The following RAB3C variants were observed in gnomAD, a reference collection of about 807,000 sequenced individuals.
RAB3C encodes the protein RAB3C, member RAS oncogene family, also known as ras-related protein Rab-3C.
A neutral mutation model predicts 26.4 loss-of-function variants in RAB3C; 17 were observed. The ratio of observed to expected loss-of-function variants is 0.64; its 90% CI spans 0.44 to 0.97. RAB3C has a LOEUF of 0.97. Ranked by LOEUF, RAB3C falls within the 50% of genes least tolerant of loss-of-function variation. The pLI is 0.00. For missense variants in RAB3C, 242 were observed against 281.9 expected (o/e 0.86, Z 1.01); for synonymous variants, 91 against 95.9 (o/e 0.95, Z 0.30).
chr5:58,685,700 C>A (rs1748431524), intron 2 of RAB3C, among the ~76,000 whole-genome samples: 1 of 152,056 alleles, frequency 6.6e-6, no homozygotes, highest in Non-Finnish European at 1.5e-5. Flanking sequence ...GCATACTTAC[C>A]AGACTGTTAT....
intron 2 of RAB3C, among the ~76,000 whole-genome samples, chr5:58,691,360 G>A (rs1215035417): frequency 2.0e-5 from 3 of 152,118 alleles, no homozygotes; most frequent in East Asian, 1.9e-4. Flanking sequence ...TGTTGGAGAC[G>A]TATAGATGGG....
intron 3 of RAB3C, among the ~76,000 whole-genome samples, chr5:58,765,645 A>G (rs1241893610): frequency 6.6e-6 from 1 of 152,250 alleles, no homozygotes; most frequent in Non-Finnish European, 1.5e-5. Context: ...AAATGTTTCC[A>G]TGTCAATATA....
At chr5:58,824,920 C>A in intron 3 of RAB3C, 118 bp from the exon 4 acceptor site, 1 of 643,428 alleles carries the variant, frequency 1.6e-6, no homozygotes, top group African/African-American at 2.5e-5. Flanking sequence ...GGCATTTGGA[C>A]ATCGTGTTTT....
chr5:58,651,298 A>G (rs1747643895), intron 2 of RAB3C, among the ~76,000 whole-genome samples: 1 of 152,040 alleles, frequency 6.6e-6, no homozygotes, highest in Admixed American at 6.6e-5. Context: ...CTAGCTTCCT[A>G]TCTCTTTTTC....
chr5:58,820,005 A>G (rs569882966), intron 3 of RAB3C, among the ~76,000 whole-genome samples: 21 of 152,212 alleles, frequency 1.4e-4, no homozygotes, highest in Non-Finnish European at 2.8e-4. Flanking sequence ...AAAGTCATAC[A>G]GTTATTGGTA....
intron 1 of RAB3C, among the ~76,000 whole-genome samples, chr5:58,615,778 A>C (rs1421246254): frequency 1.3e-5 from 2 of 152,192 alleles, no homozygotes; most frequent in African/African-American, 4.8e-5. Flanking sequence ...CTTATGTTTA[A>C]TAAGAAAATG....
chr5:58,699,413 A>G (rs1449175051), intron 2 of RAB3C, among the ~76,000 whole-genome samples: 6 of 152,180 alleles, frequency 3.9e-5, no homozygotes, highest in Non-Finnish European at 7.3e-5. Context: ...GTTAGGCTAC[A>G]TGGGGGTCAG....
chr5:58,819,462 G>C (rs182656332), intron 3 of RAB3C, among the ~76,000 whole-genome samples: 1 of 152,260 alleles, frequency 6.6e-6, no homozygotes, highest in Non-Finnish European at 1.5e-5. Flanking sequence ...TCATCTCTAA[G>C]TTTTCCTTGG....
chr5:58,757,966 GA>G (rs1561120757), intron 3 of RAB3C, among the ~76,000 whole-genome samples: 1 of 144,260 alleles, frequency 6.9e-6, no homozygotes, highest in African/African-American at 2.5e-5. Context: ...TTTTGAGACG[GA>G]GTCTCGCTCT....
chr5:58,652,599 A>T (rs1747679818), intron 2 of RAB3C, among the ~76,000 whole-genome samples: 4 of 152,006 alleles, frequency 2.6e-5, no homozygotes, highest in Admixed American at 6.6e-5. Context: ...AGATGCAGTT[A>T]ATTATACATT....
intron 1 of RAB3C, among the ~76,000 whole-genome samples, chr5:58,611,455 T>C (rs1234522525): frequency 6.6e-6 from 1 of 152,200 alleles, no homozygotes; most frequent in African/African-American, 2.4e-5. Flanking sequence ...TCATTGTGGT[T>C]TTGATTTGCA....
At chr5:58,696,965 C>G (rs1470567622) in intron 2 of RAB3C, among the ~76,000 whole-genome samples, 1 of 152,100 alleles carries the variant, frequency 6.6e-6, no homozygotes, top group African/African-American at 2.4e-5. Flanking sequence ...CTTCTGCTAG[C>G]TTTTGAATGT....
intron 3 of RAB3C, chr5:58,822,610 G>A (rs1430251407): frequency 6.6e-6 from 2 of 304,872 alleles, no homozygotes; most frequent in Non-Finnish European, 1.3e-5. Context: ...GAAACACTCT[G>A]TGATACAGGA....
rs1312776564 is a variant in RAB3C at position 58,852,497 on chromosome 5, T to C, written c.*1146T>C. 6.6e-6 allele frequency: 1 copy of C among 152,174 alleles called. No homozygotes were observed. The highest frequency in any genetic ancestry group is 1.5e-5 in the Non-Finnish European group (1 of 68,038). The allele number at this position is 152,174 out of a possible 1,614,324, so 9.4% of individuals were successfully genotyped here. Reference sequence around the variant, plus strand: ...CTTTAATCATCTTTTTAAGTCCAGATGTTCATAAATTCTAAAGCATATTCC... The same window carrying C: ...CTTTAATCATCTTTTTAAGTCCAGACGTTCATAAATTCTAAAGCATATTCC... On this transcript the variant is annotated 3_prime_UTR_variant, in exon 5 of 5. Coordinates refer to ENST00000282878, the MANE Select transcript of RAB3C (RefSeq NM_138453.4).
At chr5:58,837,096 T>C (rs1342110197) in intron 4 of RAB3C, among the ~76,000 whole-genome samples, 1 of 152,236 alleles carries the variant, frequency 6.6e-6, no homozygotes, top group Non-Finnish European at 1.5e-5. Flanking sequence ...AGATAGATGA[T>C]ACCTCACTGT....
chr5:58,831,802 G>C (rs760678453), intron 4 of RAB3C, among the ~76,000 whole-genome samples: 21 of 152,060 alleles, frequency 1.4e-4, no homozygotes, highest in Admixed American at 5.9e-4. Context: ...AACCCAAGGC[G>C]GGGACAAGGA....
At chr5:58,743,234 TC>T (rs1741317421) in intron 3 of RAB3C, among the ~76,000 whole-genome samples, 1 of 152,180 alleles carries the variant, frequency 6.6e-6, no homozygotes, top group Admixed American at 6.5e-5. Flanking sequence ...GTACCTGGCA[TC>T]ATGGGGTAGG....
chr5:58,771,747 T>G (rs574699402), intron 3 of RAB3C, among the ~76,000 whole-genome samples: 1 of 152,224 alleles, frequency 6.6e-6, no homozygotes, highest in Non-Finnish European at 1.5e-5. Context: ...CTGTTGTGAA[T>G]GTCTCAAGTT....
Position 58,806,555 on chromosome 5 carries a change from A to G in RAB3C, c.372-18483A>G, listed in dbSNP as rs1467067933. Among the ~76,000 whole-genome samples, 4 of 152,164 alleles carry G rather than the reference A, an allele frequency of 2.6e-5. No homozygotes were observed. The East Asian group carries it at 7.7e-4, about 29-fold the overall frequency. On this transcript the variant is annotated intron_variant, in intron 3 of 4. Coordinates refer to ENST00000282878, the MANE Select transcript of RAB3C (RefSeq NM_138453.4). ...AAAGAAAACCCTTGGTTCTGTTAGA[A>G]CTGAGTTTCTCAACTGTGACACTAT...
Sources: allele counts gnomAD v4.1 joint callset (sites outside exome capture counted in the v4.1 genomes callset), GRCh38; gene constraint gnomAD v4.1.1; transcripts MANE v1.5; gene names NCBI Gene and HGNC (gene_info 2026-07-23, HGNC 2026-07-21).